BICC1: variants seen among roughly 807,000 people sequenced by gnomAD.
The protein encoded by BICC1 is BicC family RNA binding protein 1.
A neutral mutation model predicts 111.0 loss-of-function variants in BICC1; 43 were observed. The observed-to-expected ratio is 0.39, with a 90% confidence interval of 0.30 to 0.50. The LOEUF (loss-of-function observed/expected upper bound fraction) is 0.50, where lower values mean the gene tolerates loss of function less well. Ranked by LOEUF, BICC1 falls within the 20% of genes least tolerant of loss-of-function variation. The pLI is 0.88. For missense variants in BICC1, 1,091 were observed against 1,203.2 expected, an observed-to-expected ratio of 0.91 and a Z score of 1.38; for synonymous variants, 467 against 434.4, an observed-to-expected ratio of 1.07 and a Z score of -0.93.
intron 2 of BICC1, among the ~76,000 whole-genome samples, chr10:58,669,286 T>C (rs2132316951): frequency 6.6e-6 from 1 of 152,212 alleles, no homozygotes; most frequent in Non-Finnish European, 1.5e-5. Flanking sequence ...TTTTGGATTT[T>C]GGATTTTGGA....
intron 1 of BICC1, among the ~76,000 whole-genome samples, chr10:58,581,653 G>C (rs1844283374): frequency 6.6e-6 from 1 of 152,118 alleles, no homozygotes; most frequent in African/African-American, 2.4e-5. Context: ...ACGTGTCTGT[G>C]GTCAGATCCT....
At chr10:58,578,587 T>C (rs1432713012) in intron 1 of BICC1, among the ~76,000 whole-genome samples, 1 of 152,214 alleles carries the variant, frequency 6.6e-6, no homozygotes, top group Non-Finnish European at 1.5e-5. Context: ...TATGATTGAC[T>C]CCTGATGGCC....
intron 2 of BICC1, among the ~76,000 whole-genome samples, chr10:58,645,597 AT>A (rs947402390): frequency 6.6e-6 from 1 of 152,126 alleles, no homozygotes; most frequent in African/African-American, 2.4e-5. Flanking sequence ...CTCCATTTAT[AT>A]TTTGTGATCC....
chr10:58,618,037 G>GA (rs1230292156), intron 1 of BICC1, among the ~76,000 whole-genome samples: 1 of 152,250 alleles, frequency 6.6e-6, no homozygotes, highest in African/African-American at 2.4e-5. Context: ...GTCCCCACTA[G>GA]AAAAACTCCC....
intron 11 of BICC1, 111 bp from the exon 12 acceptor site, chr10:58,798,940 AAATTG>A (rs746288678): frequency 1.4e-5 from 11 of 811,554 alleles, no homozygotes; most frequent in Non-Finnish European, 2.1e-5. Context: ...AGAGGTGTCA[AAATTG>A]AATTCTTTTC....
Position 58,828,965 on chromosome 10 carries a change from C to T in BICC1, c.*74C>T. On this transcript the variant is annotated 3_prime_UTR_variant, in exon 21 of 21. Coordinates refer to ENST00000373886, the MANE Select transcript of BICC1 (RefSeq NM_001080512.3). Reference sequence around the variant, plus strand: ...GGAGATGTATGAACAGCCTTCACAGCACACCATCCTTAGCACTCTGGGTGT... The same window carrying T: ...GGAGATGTATGAACAGCCTTCACAGTACACCATCCTTAGCACTCTGGGTGT... 1 of 1,569,228 alleles carries T rather than the reference C, an allele frequency of 6.4e-7. No homozygotes were observed. Among genetic ancestry groups the T allele is most frequent in the South Asian group, 1.1e-5 (1 of 87,302 alleles).
intron 2 of BICC1, among the ~76,000 whole-genome samples, chr10:58,698,698 A>G (rs1589035545): frequency 6.6e-6 from 1 of 152,270 alleles, no homozygotes; most frequent in Middle Eastern, 3.4e-3. Context: ...AAAAGTTATT[A>G]ATATCATCAT....
At position 58,808,134 on chromosome 10, in the gene BICC1, AAG is replaced by A. The variant is rs561242312; in HGVS notation, c.2376+979_2376+980del. ...AAAGAAAATACTATTGAAATACTAAAAGAGTCTCCTGTGAATTTCATTTTGGG... is the reference window on the plus strand; with the variant it reads ...AAAGAAAATACTATTGAAATACTAAAAGTCTCCTGTGAATTTCATTTTGGG... On this transcript the variant is annotated intron_variant, in intron 17 of 20. Coordinates refer to ENST00000373886, the MANE Select transcript of BICC1 (RefSeq NM_001080512.3). 1.1e-4 allele frequency among the ~76,000 whole-genome samples: 17 copies of A among 152,026 alleles called. No individual in the cohort carries two copies. The South Asian group carries it at 2.3e-3, about 20-fold the overall frequency.
intron 15 of BICC1, among the ~76,000 whole-genome samples, chr10:58,804,737 T>G (rs973459420): frequency 6.6e-6 from 1 of 152,176 alleles, no homozygotes; most frequent in African/African-American, 2.4e-5. Context: ...ATGAGCATGT[T>G]CTTAATGTTT....
chr10:58,573,082 G>C (rs1844009906), intron 1 of BICC1, among the ~76,000 whole-genome samples: 1 of 152,038 alleles, frequency 6.6e-6, no homozygotes, highest in Admixed American at 6.6e-5. Context: ...CCTTGATGTG[G>C]CCTGAATTTT....
At chr10:58,607,344 A>ATAAATAAAT (rs1564510203) in intron 1 of BICC1, among the ~76,000 whole-genome samples, 3 of 151,854 alleles carry the variant, frequency 2.0e-5, no homozygotes, top group Non-Finnish European at 4.4e-5. Flanking sequence ...AAATAAATAA[A>ATAAATAAAT]ACTGTCATGC....
chr10:58,620,231 C>G (rs1395748635), intron 1 of BICC1, among the ~76,000 whole-genome samples: 2 of 152,118 alleles, frequency 1.3e-5, no homozygotes, highest in Admixed American at 1.3e-4. Flanking sequence ...TATTTATGGG[C>G]TACCATTTAT....
Position 58,521,768 on chromosome 10 carries a change from G to GTTT in BICC1, c.190+8471_190+8473dup, listed in dbSNP as rs573116230. On this transcript the variant is annotated intron_variant, in intron 1 of 20. Transcript: ENST00000373886. ...ATGAAAATCAGCCAGGGAATGTGGT[G>GTTT]TTTTTTTTTTTTTTTTTTTTTTTTT... 2.0e-4 allele frequency among the ~76,000 whole-genome samples: 22 copies of GTTT among 112,796 alleles called. 2 individuals carry two copies. The highest frequency in any genetic ancestry group is 3.2e-4 in the Non-Finnish European group (17 of 52,744). The allele number at this position is 112,796 out of a possible 152,430, so 74.0% of individuals were successfully genotyped here.
At chr10:58,633,986 T>C (rs1315477843) in intron 2 of BICC1, among the ~76,000 whole-genome samples, 4 of 111,514 alleles carry the variant, frequency 3.6e-5, no homozygotes, top group Non-Finnish European at 5.0e-5. Context: ...TCTTTTTTTT[T>C]TTTCTTTTCT....
At chr10:58,760,350 C>T (rs2132678534) in intron 3 of BICC1, among the ~76,000 whole-genome samples, 1 of 152,268 alleles carries the variant, frequency 6.6e-6, no homozygotes, top group Admixed American at 6.5e-5. Flanking sequence ...TCTTGTTAAA[C>T]CGCAGCATTC....
intron 3 of BICC1, among the ~76,000 whole-genome samples, chr10:58,743,964 G>A (rs1841751345): frequency 6.6e-6 from 1 of 151,986 alleles, no homozygotes; most frequent in Non-Finnish European, 1.5e-5. Flanking sequence ...AGCAGGTATC[G>A]AGTATCATCT....
chr10:58,546,047 C>G (rs1293080522), intron 1 of BICC1, among the ~76,000 whole-genome samples: 1 of 152,124 alleles, frequency 6.6e-6, no homozygotes, highest in Admixed American at 6.6e-5. Flanking sequence ...CGGAATTAAG[C>G]AATGAATGCT....
intron 3 of BICC1, among the ~76,000 whole-genome samples, chr10:58,772,550 C>A (rs1364288453): frequency 1.3e-5 from 2 of 152,286 alleles, no homozygotes; most frequent in African/African-American, 4.8e-5. Flanking sequence ...AAATTGAATC[C>A]TTTGAAGGTT....
In BICC1 at chr10:58,588,391, T is replaced by C. The variant is rs563509523; in HGVS notation, c.191-32464T>C. 2.0e-5 allele frequency among the ~76,000 whole-genome samples: 3 copies of C among 152,264 alleles called. No individual in the cohort carries two copies. The East Asian group carries it at 5.8e-4, about 29-fold the overall frequency. ...GGGTGTATCTTGTTAAACCGAGTATTTGGGGTCCTCATATGCATCAGTCAC... is the reference window on the plus strand; with the variant it reads ...GGGTGTATCTTGTTAAACCGAGTATCTGGGGTCCTCATATGCATCAGTCAC... On this transcript the variant is annotated intron_variant, in intron 1 of 20. Transcript: ENST00000373886.
Sources: gnomAD v4.1 joint callset for allele counts (sites outside exome capture counted in the v4.1 genomes callset) on GRCh38, gnomAD v4.1.1 for gene constraint, MANE v1.5 for transcripts, NCBI Gene and HGNC (gene_info 2026-07-23, HGNC 2026-07-21) for gene names.